The following ADAMTS18 variants were observed in gnomAD, a reference collection of about 807,000 sequenced individuals.
The protein encoded by ADAMTS18 is A disintegrin and metalloproteinase with thrombospondin motifs 18.
ADAMTS18 carries 157 observed loss-of-function variants against 165.9 expected under a neutral mutation model. The observed-to-expected ratio is 0.95, with a 90% confidence interval of 0.83 to 1.08. The LOEUF is 1.08. ADAMTS18 is among the 50% of genes least tolerant of loss of function. The pLI, the probability that ADAMTS18 is intolerant of heterozygous loss-of-function variation, is 0.00. For synonymous variants in ADAMTS18, 782 were observed against 578.2 expected (o/e 1.35, Z -5.06); for missense variants, 2,040 against 1,534.0 (o/e 1.33, Z -5.51).
chr16:77,364,441 G>A, intron 4 of ADAMTS18, 60 bp from the exon 5 acceptor site: 2 of 1,557,072 alleles, frequency 1.3e-6, no homozygotes, highest in African/African-American at 1.4e-5. Flanking sequence ...TAAGACAGTT[G>A]AGAGAGAAAC....
chr16:77,312,243 T>G (rs1032923750), intron 16 of ADAMTS18, among the ~76,000 whole-genome samples: 8 of 152,162 alleles, frequency 5.3e-5, no homozygotes, highest in African/African-American at 1.4e-4. Flanking sequence ...CTTTTTTTTT[T>G]TGTTTTTTTT....
At chr16:77,320,438 A>G (rs1331558320) in intron 15 of ADAMTS18, among the ~76,000 whole-genome samples, 2 of 152,198 alleles carry the variant, frequency 1.3e-5, no homozygotes, top group Non-Finnish European at 2.9e-5. Context: ...CAGGAGTTTG[A>G]GACCAGCCTG....
intron 11 of ADAMTS18, among the ~76,000 whole-genome samples, chr16:77,341,263 T>C (rs1184996287): frequency 1.3e-5 from 2 of 152,156 alleles, no homozygotes; most frequent in Non-Finnish European, 2.9e-5. Context: ...CTGTACATGA[T>C]GGGAATCTAT....
chr16:77,324,330 C>G (rs1006420838), intron 13 of ADAMTS18, among the ~76,000 whole-genome samples: 2 of 152,198 alleles, frequency 1.3e-5, no homozygotes, highest in Non-Finnish European at 1.5e-5. Context: ...ATGCTTCCTA[C>G]GAAATCACTC....
At chr16:77,313,999 A>G (rs577826212) in intron 16 of ADAMTS18, among the ~76,000 whole-genome samples, 1 of 152,326 alleles carries the variant, frequency 6.6e-6, no homozygotes, top group African/African-American at 2.4e-5. Flanking sequence ...TTGAGCTCCA[A>G]ACTATCCTGG....
chr16:77,406,659 C>T lies in ADAMTS18; in HGVS notation c.495+24636G>A, dbSNP rs542342248. On this transcript the variant is annotated intron_variant, in intron 3 of 22. Transcript: ENST00000282849. The stretch of plus-strand genomic sequence containing the variant: ...ATTCTACCAAAAAGACACACGCACT[C>T]ATATGTTCATCACGGCACTATACAC... Among the ~76,000 whole-genome samples the T allele has an allele frequency of 4.7e-4, 71 of 152,170 alleles. No homozygotes were observed. The South Asian group carries it at 0.014, about 31-fold the overall frequency.
rs1482280145 is a variant in ADAMTS18 at position 77,284,071 on chromosome 16, T to C, written c.3551A>G (p.Glu1184Gly). 1.9e-6 allele frequency: 3 copies of C among 1,600,744 alleles called. No individual in the cohort carries two copies. In the Admixed American group the frequency reaches 5.0e-5, roughly 27 times the overall value. ...GAAGAAATCTACGCAGGATGGATCC[T>C]CTAAAATAAGAAAATATATTTAGCA... ...TNFCPAPEKR[E>G]DPSCVDFFNW... Residue 1184 changes from glutamate to glycine, a missense_variant and splice_region_variant, in exon 23 of 23, where the codon GAG becomes GGG. Physicochemically the swap from Glu to Gly is moderately conservative, Grantham distance 98. Coordinates refer to ENST00000282849, the MANE Select transcript of ADAMTS18 (RefSeq NM_199355.4).
intron 3 of ADAMTS18, among the ~76,000 whole-genome samples, chr16:77,404,276 A>G (rs2057367466): frequency 6.6e-6 from 1 of 152,196 alleles, no homozygotes. Context: ...GATGCCTATG[A>G]CCAAAGGGAA....
At chr16:77,307,095 A>G (rs916599456) in intron 16 of ADAMTS18, among the ~76,000 whole-genome samples, 9 of 152,230 alleles carry the variant, frequency 5.9e-5, no homozygotes, top group African/African-American at 2.2e-4. Context: ...TAATTTAAGA[A>G]TACTTGATCT....
chr16:77,308,732 T>C (rs139185996), intron 16 of ADAMTS18, among the ~76,000 whole-genome samples: 8 of 152,300 alleles, frequency 5.3e-5, no homozygotes, highest in Admixed American at 2.0e-4. Flanking sequence ...TGGAAAAACA[T>C]TGTTTTCAGG....
At chr16:77,424,709 A>C (rs936521217) in intron 3 of ADAMTS18, among the ~76,000 whole-genome samples, 2 of 152,182 alleles carry the variant, frequency 1.3e-5, no homozygotes, top group Non-Finnish European at 2.9e-5. Flanking sequence ...ACAAAAAAAA[A>C]CCTTTTTAAC....
At chr16:77,333,433 G>A (rs990287619) in intron 12 of ADAMTS18, among the ~76,000 whole-genome samples, 1 of 150,050 alleles carries the variant, frequency 6.7e-6, no homozygotes, top group African/African-American at 2.5e-5. Flanking sequence ...TAACAAACCT[G>A]CACATTCTGC....
intron 8 of ADAMTS18, among the ~76,000 whole-genome samples, chr16:77,357,604 C>G (rs142980604): frequency 6.6e-6 from 1 of 152,106 alleles, no homozygotes; most frequent in Non-Finnish European, 1.5e-5. Flanking sequence ...GAAGCCATTA[C>G]GCTAGAGGAA....
chr16:77,423,551 G>A (rs1042269184), intron 3 of ADAMTS18, among the ~76,000 whole-genome samples: 1 of 151,870 alleles, frequency 6.6e-6, no homozygotes, highest in Non-Finnish European at 1.5e-5. Flanking sequence ...CATTATCCTC[G>A]ACTTATCAAT....
rs191481901 is a variant in ADAMTS18, at chr16:77,378,467, C to T, written c.496-10744G>A. ...CGGTAGCTCACACCTGTAATCCCAG[C>T]ATGTTGGGAGGCTGAGGCAGGTGGA... On this transcript the variant is annotated intron_variant, in intron 3 of 22. Transcript: ENST00000282849. Among the ~76,000 whole-genome samples the T allele has an allele frequency of 5.6e-4, 85 of 152,168 alleles. 2 individuals are homozygous for T. The highest frequency in any genetic ancestry group is 5.5e-3 in the Admixed American group (84 of 15,290).
At position 77,322,457 on chromosome 16, in the gene ADAMTS18, C is replaced by T. The variant is rs1159537536; in HGVS notation, c.2042G>A (p.Arg681Gln). 2.5e-6 allele frequency: 4 copies of T among 1,613,724 alleles called. No homozygotes were observed. Among genetic ancestry groups the T allele is most frequent in the East Asian group, 2.2e-5 (1 of 44,858 alleles). ...KPYTKVEEEDRCKLYCKAENF... is the reference protein window; with the variant it reads ...KPYTKVEEEDQCKLYCKAENF... The stretch of plus-strand genomic sequence containing the variant: ...CTCAGCCTTGCAGTACAGTTTGCAT[C>T]GATCTTCCTCTAGAAACAAAGAGAT... The change falls in exon 14 of 23, where the codon CGA becomes CAA. Residue 681 changes from arginine to glutamine, a missense_variant. Physicochemically the swap from Arg to Gln is conservative, Grantham distance 43. Transcript: ENST00000282849.
At chr16:77,304,219 G>A (rs970707496) in intron 16 of ADAMTS18, among the ~76,000 whole-genome samples, 5 of 152,160 alleles carry the variant, frequency 3.3e-5, no homozygotes, top group African/African-American at 1.2e-4. Context: ...GGCACTTTGG[G>A]AAGCTGAGGC....
intron 3 of ADAMTS18, among the ~76,000 whole-genome samples, chr16:77,420,000 A>C (rs571226037): frequency 1.1e-5 from 1 of 92,690 alleles, no homozygotes; most frequent in South Asian, 3.7e-4. Flanking sequence ...TCTGTCGCAG[A>C]TTAAAAAAAA....
intron 12 of ADAMTS18, among the ~76,000 whole-genome samples, chr16:77,328,556 T>G (rs2056134776): frequency 6.6e-6 from 1 of 152,182 alleles, no homozygotes; most frequent in Non-Finnish European, 1.5e-5. Context: ...GAGCAACTAC[T>G]TAAACATGCT....
Sources: allele counts gnomAD v4.1 joint callset (sites outside exome capture counted in the v4.1 genomes callset), GRCh38; gene constraint gnomAD v4.1.1; transcripts MANE v1.5; gene names NCBI Gene and HGNC (gene_info 2026-07-23, HGNC 2026-07-21).